The following MAF variants were observed in gnomAD, a reference collection of about 807,000 sequenced individuals.
The protein encoded by MAF is MAF bZIP transcription factor.
Under a neutral mutation model 22.0 loss-of-function variants are expected in MAF, and 10 were observed. That is an observed-to-expected ratio of 0.45 (90% CI 0.28 to 0.77). The LOEUF is 0.77. Among genes scored for constraint, MAF ranks in the 30% least tolerant of loss-of-function variants. MAF has a pLI of 0.12. For synonymous variants in MAF, 337 were observed against 255.8 expected, an observed-to-expected ratio of 1.32 and a Z score of -3.03; for missense variants, 544 against 548.4, an observed-to-expected ratio of 0.99 and a Z score of 0.08.
the MAF span, among the ~76,000 whole-genome samples, chr16:79,372,741 C>T: frequency 6.6e-6 from 1 of 152,192 alleles, no homozygotes; most frequent in South Asian, 2.1e-4. Context: ...TTCTGTGATA[C>T]TTTACATGGC....
the MAF span, among the ~76,000 whole-genome samples, chr16:79,306,694 T>TTCATCA: frequency 2.0e-5 from 3 of 151,946 alleles, no homozygotes; most frequent in African/African-American, 4.8e-5. Context: ...TGCCAGCAGG[T>TTCATCA]TCATCATCAT....
chr16:79,205,467 G>C, the MAF span: 1 of 152,186 alleles, frequency 6.6e-6, no homozygotes, highest in African/African-American at 2.4e-5. Flanking sequence ...TAATTTGTTA[G>C]GGAGGGCATG....
At chr16:79,348,194 T>C in the MAF span, among the ~76,000 whole-genome samples, 2 of 152,346 alleles carry the variant, frequency 1.3e-5, no homozygotes, top group East Asian at 1.9e-4. Context: ...TCTGTTCCTT[T>C]TGCACACACT....
At chr16:79,518,008 G>A in the MAF span, among the ~76,000 whole-genome samples, 7 of 152,274 alleles carry the variant, frequency 4.6e-5, no homozygotes, top group South Asian at 8.3e-4. Context: ...GCTTTTCCTC[G>A]TTGTGCTACT....
chr16:79,422,175 T>C, the MAF span, among the ~76,000 whole-genome samples: 1 of 152,166 alleles, frequency 6.6e-6, no homozygotes, highest in Non-Finnish European at 1.5e-5. Flanking sequence ...CCTGAGCTGA[T>C]GTGTTATTTT....
At chr16:79,424,836 G>A in the MAF span, among the ~76,000 whole-genome samples, 1 of 151,992 alleles carries the variant, frequency 6.6e-6, no homozygotes, top group Non-Finnish European at 1.5e-5. Flanking sequence ...TTGTTGAATG[G>A]ATGCAAAATA....
the MAF span, among the ~76,000 whole-genome samples, chr16:79,371,708 C>T: frequency 1.3e-5 from 2 of 152,210 alleles, no homozygotes; most frequent in Non-Finnish European, 2.9e-5. Context: ...CTGTCTCCCT[C>T]TTTGCTAACT....
the MAF span, among the ~76,000 whole-genome samples, chr16:79,512,909 C>G: frequency 2.6e-5 from 4 of 152,236 alleles, no homozygotes; most frequent in Non-Finnish European, 4.4e-5. Flanking sequence ...TAGGCACACG[C>G]ATCCATCCAG....
At chr16:79,247,212 G>A in the MAF span, among the ~76,000 whole-genome samples, 2 of 152,192 alleles carry the variant, frequency 1.3e-5, no homozygotes, top group Admixed American at 6.5e-5. Flanking sequence ...GAGCTCAGAG[G>A]CAAGAATGAG....
chr16:79,492,453 C>T, the MAF span, among the ~76,000 whole-genome samples: 1 of 151,108 alleles, frequency 6.6e-6, no homozygotes, highest in Non-Finnish European at 1.5e-5. Context: ...TCACCCTTAC[C>T]CCAGCCCATT....
chr16:79,437,798 C>T, the MAF span, among the ~76,000 whole-genome samples: 10 of 152,208 alleles, frequency 6.6e-5, no homozygotes, highest in African/African-American at 2.4e-4. Context: ...CCTAGCACTT[C>T]CTTTTCACTC....
chr16:79,316,414 C>A, the MAF span, among the ~76,000 whole-genome samples: 1 of 152,198 alleles, frequency 6.6e-6, no homozygotes, highest in Non-Finnish European at 1.5e-5. Flanking sequence ...AACCTTTCTG[C>A]CTCCTCCCTG....
At chr16:79,444,392 G>A in the MAF span, among the ~76,000 whole-genome samples, 2 of 152,232 alleles carry the variant, frequency 1.3e-5, no homozygotes, top group Non-Finnish European at 1.5e-5. Flanking sequence ...AAATTAGCGT[G>A]GATTTTATAG....
the MAF span, among the ~76,000 whole-genome samples, chr16:79,563,043 A>T: frequency 1.3e-5 from 2 of 152,182 alleles, no homozygotes; most frequent in African/African-American, 4.8e-5. Flanking sequence ...ATATCAAGTC[A>T]GTGTTACATC....
the MAF span, among the ~76,000 whole-genome samples, chr16:79,510,414 C>A: frequency 3.6e-3 from 553 of 152,242 alleles, 2 homozygotes; most frequent in Non-Finnish European, 6.4e-3. Flanking sequence ...GGTATCTCCC[C>A]GCAGTCTGGG....
chr16:79,502,732 T>A, the MAF span, among the ~76,000 whole-genome samples: 16 of 106,888 alleles, frequency 1.5e-4, no homozygotes, highest in African/African-American at 5.9e-4. Context: ...TATATATATA[T>A]ATATATATAT....
chr16:79,246,147 G>A, the MAF span, among the ~76,000 whole-genome samples: 12,417 of 152,070 alleles, frequency 0.082, 521 homozygotes, highest in Non-Finnish European at 0.095. Context: ...CATGGCACGT[G>A]TATACCTGTG....
At chr16:79,350,893 G>GTT in the MAF span, among the ~76,000 whole-genome samples, 15 of 151,954 alleles carry the variant, frequency 9.9e-5, no homozygotes, top group Non-Finnish European at 1.9e-4. Context: ...GTGTGTGTGT[G>GTT]TGTGTGTGTG....
chr16:79,333,501 C>T, the MAF span, among the ~76,000 whole-genome samples: 6 of 152,130 alleles, frequency 3.9e-5, no homozygotes, highest in African/African-American at 9.7e-5. Flanking sequence ...TGTGCCAACA[C>T]GATTACCCAA....
Sources: gnomAD v4.1 joint callset for allele counts (sites outside exome capture counted in the v4.1 genomes callset) on GRCh38, gnomAD v4.1.1 for gene constraint, MANE v1.5 for transcripts, NCBI Gene and HGNC (gene_info 2026-07-23, HGNC 2026-07-21) for gene names.